ZNF254: variants seen among roughly 807,000 people sequenced by gnomAD.
ZNF254 encodes the protein CTD-2017D11.1.
Under a neutral mutation model 12.4 loss-of-function variants are expected in ZNF254, and 10 were observed. The ratio of observed to expected loss-of-function variants is 0.80; its 90% CI spans 0.50 to 1.36. The LOEUF is 1.36. Among genes scored for constraint, ZNF254 ranks in the 40% most tolerant of loss-of-function variants. The pLI is 0.00. For synonymous variants in ZNF254, 305 were observed against 253.4 expected, an observed-to-expected ratio of 1.20 and a Z score of -1.93; for missense variants, 996 against 763.9, an observed-to-expected ratio of 1.30 and a Z score of -3.58.
intron 3 of ZNF254, among the ~76,000 whole-genome samples, chr19:24,114,716 G>A (rs1973918895): frequency 7.0e-6 from 1 of 143,178 alleles, no homozygotes; most frequent in Non-Finnish European, 1.5e-5. Context: ...CACAGCGAAA[G>A]AAACTACCAT....
intron 3 of ZNF254, among the ~76,000 whole-genome samples, chr19:24,118,970 G>A (rs1052044560): frequency 6.6e-5 from 10 of 151,748 alleles, no homozygotes; most frequent in African/African-American, 2.2e-4. Context: ...AATTAGCCAG[G>A]CGTGGTGGTG....
chr19:24,034,774 G>T (rs1462888153), intron 1 of ZNF254, among the ~76,000 whole-genome samples: 2 of 147,982 alleles, frequency 1.4e-5, no homozygotes, highest in African/African-American at 5.0e-5. Context: ...ACTGTGCCTG[G>T]CAAGAAGTTA....
In ZNF254 at chr19:24,128,184, A is replaced by G; in HGVS notation, c.*204A>G. On this transcript the variant is annotated 3_prime_UTR_variant, in exon 4 of 4. Transcript: ENST00000357002. ...TGATTGTCACACTTGATTGTAGGTAAGATAATTCATACTGGAGAAAACTAC... is the reference window on the plus strand; with the variant it reads ...TGATTGTCACACTTGATTGTAGGTAGGATAATTCATACTGGAGAAAACTAC... The G allele has an allele frequency of 1.9e-6, 1 of 536,702 alleles. No individual in the cohort carries two copies. 33.2% of individuals were successfully genotyped at this position (536,702 alleles called of 1,614,324 possible). A position where few individuals can be genotyped will look rare whatever the true frequency, so the allele number is the denominator to read the frequency against.
intron 1 of ZNF254, among the ~76,000 whole-genome samples, chr19:24,034,715 A>G (rs55653462): frequency 0.16 from 24,202 of 151,416 alleles, 2,110 homozygotes; most frequent in Middle Eastern, 0.23. Flanking sequence ...GACAAGAGGT[A>G]ATCCACCCAC....
upstream of ZNF254, among the ~76,000 whole-genome samples, chr19:24,085,430 A>G (rs1406517503): frequency 2.9e-5 from 4 of 137,416 alleles, no homozygotes; most frequent in Middle Eastern, 3.4e-3. Flanking sequence ...ATATATAAAA[A>G]CTAAGATTTC....
At chr19:24,060,323 T>C (rs1971018436) in intron 2 of ZNF254, among the ~76,000 whole-genome samples, 1 of 152,182 alleles carries the variant, frequency 6.6e-6, no homozygotes, top group Admixed American at 6.5e-5. Flanking sequence ...GTTACTTGCC[T>C]CTTCTTCACA....
intron 3 of ZNF254, among the ~76,000 whole-genome samples, chr19:24,117,728 C>T (rs999102328): frequency 2.0e-5 from 3 of 152,112 alleles, no homozygotes; most frequent in African/African-American, 7.2e-5. Flanking sequence ...TCTGTCACTC[C>T]CTAGTGAGAT....
rs778042267 is a variant in ZNF254 at position 24,127,840 on chromosome 19, T to C, written c.1840T>C (p.Ser614Pro). ...CEECGKAFFW[S>P]STLTKHKRIH... ...AGAATGTGGCAAAGCATTTTTCTGG[T>C]CCTCAACCCTAACTAAACATAAGAG... Residue 614 changes from serine to proline, a missense_variant, in exon 4 of 4, where the codon TCC (serine) becomes CCC (proline). Ser to Pro is a moderately conservative substitution (Grantham distance 74). Transcript: ENST00000357002. The C allele has an allele frequency of 5.6e-6, 9 of 1,613,284 alleles. No individual in the cohort carries two copies. Among genetic ancestry groups the C allele is most frequent in the Admixed American group, 3.3e-5 (2 of 59,896 alleles).
chr19:24,039,968 G>A (rs941456281), intron 1 of ZNF254, among the ~76,000 whole-genome samples: 2 of 152,210 alleles, frequency 1.3e-5, no homozygotes, highest in Non-Finnish European at 2.9e-5. Context: ...GGTTGTTAGT[G>A]TGTCATGCAA....
At chr19:24,112,391 C>T (rs1171818306) in intron 3 of ZNF254, among the ~76,000 whole-genome samples, 3 of 145,900 alleles carry the variant, frequency 2.1e-5, no homozygotes, top group African/African-American at 7.6e-5. Flanking sequence ...CATGATGCCT[C>T]CAGCTTTGTT....
intron 2 of ZNF254, among the ~76,000 whole-genome samples, chr19:24,051,945 C>T (rs1970663883): frequency 6.6e-6 from 1 of 152,118 alleles, no homozygotes; most frequent in South Asian, 2.1e-4. Context: ...AGCATTTTGA[C>T]ATGTTTTTGG....
rs1330573699 is a variant in ZNF254 at position 24,128,793 on chromosome 19, A to G, written c.*813A>G. 1.3e-5 allele frequency: 2 copies of G among 152,110 alleles called. No homozygotes were observed. Among genetic ancestry groups the G allele is most frequent in the Non-Finnish European group, 2.9e-5 (2 of 67,946 alleles). 9.4% of individuals were successfully genotyped at this position (152,110 alleles called of 1,614,324 possible). A position where few individuals can be genotyped will look rare whatever the true frequency, so the allele number is the denominator to read the frequency against. ...GACATTACACTAAATCAGAGTGCTG[A>G]GTATAGAAAATAATACAAACAGATT... On this transcript the variant is annotated 3_prime_UTR_variant, in exon 4 of 4. Coordinates refer to ENST00000357002, the MANE Select transcript of ZNF254 (RefSeq NM_203282.4).
At chr19:24,122,623 T>C (rs986761674) in intron 3 of ZNF254, among the ~76,000 whole-genome samples, 5 of 151,408 alleles carry the variant, frequency 3.3e-5, no homozygotes, top group Admixed American at 2.6e-4. Flanking sequence ...TGTCGTTTTG[T>C]GGCTGGCTCA....
intron 1 of ZNF254, among the ~76,000 whole-genome samples, chr19:24,099,688 C>T (rs911489811): frequency 1.3e-5 from 2 of 152,152 alleles, no homozygotes; most frequent in African/African-American, 2.4e-5. Flanking sequence ...CCCCAATGAC[C>T]AGGTGAATTT....
chr19:24,052,276 G>A (rs1331636641), intron 2 of ZNF254, among the ~76,000 whole-genome samples: 8 of 152,160 alleles, frequency 5.3e-5, no homozygotes, highest in Admixed American at 5.2e-4. Flanking sequence ...TTTATGGCAG[G>A]GGAACCACCC....
intron 2 of ZNF254, among the ~76,000 whole-genome samples, chr19:24,053,709 T>C (rs1167170613): frequency 6.6e-6 from 1 of 152,192 alleles, no homozygotes; most frequent in East Asian, 1.9e-4. Flanking sequence ...TGGCTTGTTC[T>C]AACACCTCGA....
chr19:24,116,003 T>C, intron 3 of ZNF254, among the ~76,000 whole-genome samples: 1 of 152,220 alleles, frequency 6.6e-6, no homozygotes, highest in East Asian at 1.9e-4. Flanking sequence ...TTCTTTTCTT[T>C]AAGAATGTTG....
chr19:24,074,301 C>G (rs1971583551), intron 2 of ZNF254, among the ~76,000 whole-genome samples: 1 of 152,174 alleles, frequency 6.6e-6, no homozygotes, highest in Non-Finnish European at 1.5e-5. Context: ...TGAAGTGACT[C>G]TTCTCTTCTA....
intron 1 of ZNF254, among the ~76,000 whole-genome samples, chr19:24,088,698 G>A (rs1033940967): frequency 6.6e-6 from 1 of 151,896 alleles, no homozygotes; most frequent in Non-Finnish European, 1.5e-5. Flanking sequence ...ACCCCGGATG[G>A]AGTGCAGTGG....
Sources: gnomAD v4.1 joint callset for allele counts (sites outside exome capture counted in the v4.1 genomes callset) on GRCh38, gnomAD v4.1.1 for gene constraint, MANE v1.5 for transcripts, NCBI Gene and HGNC (gene_info 2026-07-23, HGNC 2026-07-21) for gene names.